CGGBP1: variants seen among roughly 807,000 people sequenced by gnomAD.
CGGBP1 encodes CGG triplet repeat binding protein 1.
Under a neutral mutation model 11.4 loss-of-function variants are expected in CGGBP1, and 4 were observed. The observed-to-expected ratio is 0.35, with a 90% CI of 0.17 to 0.80. The LOEUF is 0.80. CGGBP1 is among the 30% of genes least tolerant of loss of function. The probability of loss-of-function intolerance (pLI) is 0.52; values close to 1 mark genes in which losing one functional copy is unlikely to be tolerated. For missense variants in CGGBP1, 135 were observed against 202.1 expected (o/e 0.67, Z 2.01); for synonymous variants, 76 against 74.1 (o/e 1.03, Z -0.13).
At position 88,055,573 on chromosome 3, in the gene CGGBP1, T is replaced by C; in HGVS notation, c.404A>G (p.Lys135Arg). 1.2e-6 allele frequency: 2 copies of C among 1,610,722 alleles called. No individual in the cohort carries two copies. Among genetic ancestry groups the C allele is most frequent in the Non-Finnish European group, 1.7e-6 (2 of 1,177,260 alleles). Residue 135 changes from lysine (K) to arginine (R), a missense_variant, in exon 4 of 4, where the codon AAG becomes AGG. Lys to Arg is a conservative substitution (Grantham distance 26, BLOSUM62 2). Transcript: ENST00000482016. The surrounding 1 kb of genome is among the most constrained non-coding windows in gnomAD (Gnocchi z 4.2). Reference protein sequence around the residue: ...AVRAFLSRHVKNGGSIPKSDQ... With the variant: ...AVRAFLSRHVRNGGSIPKSDQ... Reference sequence around the variant, plus strand: ...TGACTTAGGTATGGAGCCTCCATTCTTCACATGGCGAGATAGGAAAGCACG... The same window carrying C: ...TGACTTAGGTATGGAGCCTCCATTCCTCACATGGCGAGATAGGAAAGCACG...
At chr3:88,119,250 T>C (rs746148431) in intron 2 of CGGBP1, among the ~76,000 whole-genome samples, 7,748 of 146,278 alleles carry the variant, frequency 0.053, 171 homozygotes, top group Admixed American at 0.072. Context: ...ATGGATGAAA[T>C]TGGAAATCAT....
intron 2 of CGGBP1, among the ~76,000 whole-genome samples, chr3:88,091,456 A>AT (rs1260216137): frequency 3.3e-5 from 5 of 152,216 alleles, no homozygotes; most frequent in African/African-American, 1.2e-4. Flanking sequence ...GCCTATTGGA[A>AT]TTTTTTCCCT....
chr3:88,083,269 A>C (rs1367654215), intron 2 of CGGBP1, among the ~76,000 whole-genome samples: 1 of 152,262 alleles, frequency 6.6e-6, no homozygotes, highest in African/African-American at 2.4e-5. Flanking sequence ...GTGTTCCTAA[A>C]TGATTTAATG....
At chr3:88,137,991 T>C (rs1453097602) in intron 2 of CGGBP1, among the ~76,000 whole-genome samples, 4 of 152,176 alleles carry the variant, frequency 2.6e-5, no homozygotes, top group Admixed American at 6.6e-5. Flanking sequence ...GACACTATTA[T>C]AACTAAGATG....
chr3:88,122,134 T>C (rs918681073), intron 2 of CGGBP1, among the ~76,000 whole-genome samples: 3 of 152,162 alleles, frequency 2.0e-5, no homozygotes, highest in African/African-American at 4.8e-5. Flanking sequence ...AGGTAGCTAG[T>C]AGAAGCTTCT....
chr3:88,086,289 C>T (rs1279662979), intron 2 of CGGBP1: 1 of 1,533,982 alleles, frequency 6.5e-7, no homozygotes, highest in Non-Finnish European at 8.7e-7. Flanking sequence ...GATGGCAGGT[C>T]CCTTTGCCAC....
At chr3:88,072,128 T>C (rs1212873499) in intron 2 of CGGBP1, among the ~76,000 whole-genome samples, 2 of 152,182 alleles carry the variant, frequency 1.3e-5, no homozygotes, top group African/African-American at 4.8e-5. Flanking sequence ...TTAGTGATTA[T>C]AGGGAATTTA....
intron 2 of CGGBP1, among the ~76,000 whole-genome samples, chr3:88,103,858 T>C (rs917196574): frequency 6.7e-6 from 1 of 149,050 alleles, no homozygotes; most frequent in African/African-American, 2.5e-5. Context: ...CCTCTGCCTC[T>C]CGGGGTCAAG....
intron 2 of CGGBP1, among the ~76,000 whole-genome samples, chr3:88,121,201 A>G (rs1360524980): frequency 1.3e-5 from 2 of 152,180 alleles, no homozygotes; most frequent in Admixed American, 1.3e-4. Context: ...TGAATTATGC[A>G]AAATTTGACT....
At chr3:88,102,096 G>A (rs1174021621) in intron 2 of CGGBP1, among the ~76,000 whole-genome samples, 1 of 151,982 alleles carries the variant, frequency 6.6e-6, no homozygotes, top group Non-Finnish European at 1.5e-5. Flanking sequence ...GCTATATCTT[G>A]TCTTTTCATT....
chr3:88,095,629 C>G, intron 2 of CGGBP1: 5 of 512,548 alleles, frequency 9.8e-6, no homozygotes, highest in South Asian at 4.3e-5. Flanking sequence ...AGTCTTATCT[C>G]GAAGCCCCAA....
rs151230729 is a variant in CGGBP1 at position 88,138,015 on chromosome 3, T to G, written c.-229+2955A>C. Among the ~76,000 whole-genome samples the G allele has an allele frequency of 5.3e-3, 813 of 152,244 alleles. 5 individuals carry two copies. Among genetic ancestry groups the G allele is most frequent in the African/African-American group, 0.017 (698 of 41,550 alleles). ...ATAACTAAGATGGGTCGACAATAGA[T>G]TCCCAAGTAAAAGCTGATGCAATTA... On this transcript the variant is annotated intron_variant, in intron 2 of 3. Coordinates refer to the CGGBP1 transcript ENST00000462901.
At chr3:88,143,957 G>A (rs1361662939) in intron 1 of CGGBP1, 1 of 152,060 alleles carries the variant, frequency 6.6e-6, no homozygotes, top group African/African-American at 2.4e-5. Context: ...TAATTTGAGC[G>A]CTTCAGAAGA....
rs1269051319 is a variant in CGGBP1, at chr3:88,054,577, TTTATC to T, written c.*891_*895del. ...GAAAAATTAATGAATAGAAAGTAATTTTATCTGATCTGTCAGCCAAAAAAAAATTA... is the reference window on the plus strand; with the variant it reads ...GAAAAATTAATGAATAGAAAGTAATTTGATCTGTCAGCCAAAAAAAAATTA... On this transcript the variant is annotated 3_prime_UTR_variant, in exon 4 of 4. Coordinates refer to ENST00000482016, the MANE Select transcript of CGGBP1 (RefSeq NM_001008390.2). The T allele has an allele frequency of 6.6e-5, 10 of 152,218 alleles. No homozygotes were observed. The highest frequency in any genetic ancestry group is 2.2e-4 in the African/African-American group (9 of 41,436). 9.4% of individuals were successfully genotyped at this position (152,218 alleles called of 1,614,324 possible). A position where few individuals can be genotyped will look rare whatever the true frequency, so the allele number is the denominator to read the frequency against.
At chr3:88,142,303 AAC>A (rs1707173239) in intron 1 of CGGBP1, 1 of 151,708 alleles carries the variant, frequency 6.6e-6, no homozygotes, top group South Asian at 2.1e-4. Context: ...AAACAAAAAA[AAC>A]CACAGTGCTT....
At chr3:88,068,473 CAT>C (rs1428040737) in intron 2 of CGGBP1, among the ~76,000 whole-genome samples, 1 of 152,070 alleles carries the variant, frequency 6.6e-6, no homozygotes, top group Non-Finnish European at 1.5e-5. Flanking sequence ...CATAACAAAA[CAT>C]GTACAGGTTG....
upstream of CGGBP1, chr3:88,059,263 CA>C: frequency 3.3e-6 from 5 of 1,531,430 alleles, no homozygotes; most frequent in Non-Finnish European, 4.4e-6. Flanking sequence ...TTAGCCTAGG[CA>C]TCTACGGCGG....
At chr3:88,079,097 T>C (rs1428973261) in intron 2 of CGGBP1, among the ~76,000 whole-genome samples, 2 of 152,090 alleles carry the variant, frequency 1.3e-5, no homozygotes, top group East Asian at 1.9e-4. Flanking sequence ...TAAAAAGTTA[T>C]TGGATCTATA....
intron 2 of CGGBP1, among the ~76,000 whole-genome samples, chr3:88,110,571 T>G (rs1376521910): frequency 1.3e-5 from 2 of 152,124 alleles, no homozygotes; most frequent in African/African-American, 4.8e-5. Context: ...CGGGCCAGAT[T>G]TGGCCTGTGA....
Sources: gnomAD v4.1 joint callset for allele counts (sites outside exome capture counted in the v4.1 genomes callset) on GRCh38, gnomAD v4.1.1 for gene constraint, Gnocchi (gnomAD v3.1) non-coding constraint, MANE v1.5 for transcripts, NCBI Gene and HGNC (gene_info 2026-07-23, HGNC 2026-07-21) for gene names.